COX7B2: variants seen among roughly 807,000 people sequenced by gnomAD.
COX7B2 encodes cytochrome c oxidase subunit 7B2.
For synonymous variants in COX7B2, 37 were observed against 32.1 expected, an observed-to-expected ratio of 1.15 and a Z score of -0.51; for missense variants, 109 against 95.9, an observed-to-expected ratio of 1.14 and a Z score of -0.57.
intron 2 of COX7B2, among the ~76,000 whole-genome samples, chr4:46,824,786 A>T (rs1363954197): frequency 1.3e-5 from 2 of 152,176 alleles, no homozygotes; most frequent in East Asian, 3.9e-4. Context: ...AAAACACATG[A>T]TTATCTCAAT....
At chr4:46,805,125 G>A (rs370562190) in intron 2 of COX7B2, among the ~76,000 whole-genome samples, 4 of 152,204 alleles carry the variant, frequency 2.6e-5, no homozygotes, top group Non-Finnish European at 5.9e-5. Flanking sequence ...CAGAACTCGC[G>A]CTGGCCTCCA....
At chr4:46,763,804 T>C (rs1716365025) in intron 2 of COX7B2, among the ~76,000 whole-genome samples, 2 of 152,202 alleles carry the variant, frequency 1.3e-5, no homozygotes, top group South Asian at 4.1e-4. Flanking sequence ...TATATAAATA[T>C]ACATGTGCAT....
intron 1 of COX7B2, among the ~76,000 whole-genome samples, chr4:46,907,848 CTTT>C (rs35024713): frequency 2.2e-3 from 131 of 59,704 alleles, no homozygotes; most frequent in African/African-American, 7.4e-3. Context: ...TTTGAGCAGA[CTTT>C]TTTTTTTTTT....
intron 2 of COX7B2, among the ~76,000 whole-genome samples, chr4:46,761,347 G>C (rs1318799800): frequency 6.6e-6 from 1 of 152,104 alleles, no homozygotes; most frequent in Non-Finnish European, 1.5e-5. Flanking sequence ...ATGCAGCCAA[G>C]GTATCCATTA....
chr4:46,803,155 G>A (rs1718752601), intron 2 of COX7B2, among the ~76,000 whole-genome samples: 1 of 152,114 alleles, frequency 6.6e-6, no homozygotes, highest in African/African-American at 2.4e-5. Context: ...GTTGTATAAA[G>A]GTTCTTTTCA....
At chr4:46,788,657 A>T (rs1717878926) in intron 2 of COX7B2, among the ~76,000 whole-genome samples, 1 of 152,222 alleles carries the variant, frequency 6.6e-6, no homozygotes, top group South Asian at 2.1e-4. Context: ...CACATATAGA[A>T]ATCAATTTAT....
chr4:46,880,418 T>A (rs1218832989), intron 1 of COX7B2, among the ~76,000 whole-genome samples: 1 of 147,838 alleles, frequency 6.8e-6, no homozygotes, highest in African/African-American at 2.5e-5. Flanking sequence ...TGGGCTTTTT[T>A]TTTTTTTTTT....
At chr4:46,867,393 G>T (rs557691774) in intron 1 of COX7B2, among the ~76,000 whole-genome samples, 1 of 152,252 alleles carries the variant, frequency 6.6e-6, no homozygotes, top group Non-Finnish European at 1.5e-5. Flanking sequence ...AAACTGGCTG[G>T]AACCAGCCAA....
chr4:46,853,764 T>C (rs553170876), intron 1 of COX7B2, among the ~76,000 whole-genome samples: 116 of 152,240 alleles, frequency 7.6e-4, no homozygotes, highest in Non-Finnish European at 1.2e-3. Context: ...ATAAAGTTAG[T>C]TATAGAAAGA....
intron 2 of COX7B2, among the ~76,000 whole-genome samples, chr4:46,765,301 T>C (rs1369682465): frequency 6.8e-6 from 1 of 147,290 alleles, no homozygotes; most frequent in Non-Finnish European, 1.5e-5. Flanking sequence ...CTGTACAGCA[T>C]GGAGAGAGAT....
chr4:46,772,836 A>G (rs1322278590), intron 2 of COX7B2, among the ~76,000 whole-genome samples: 2 of 152,222 alleles, frequency 1.3e-5, no homozygotes. Flanking sequence ...TTACTCCAGT[A>G]GTAAAGCTAC....
At chr4:46,828,314 G>A (rs555413692) in intron 2 of COX7B2, among the ~76,000 whole-genome samples, 35 of 152,184 alleles carry the variant, frequency 2.3e-4, no homozygotes, top group African/African-American at 7.9e-4. Context: ...GTTGACAAAA[G>A]CTTCACATAT....
At chr4:46,892,443 A>G (rs1433979476) in intron 1 of COX7B2, among the ~76,000 whole-genome samples, 2 of 152,186 alleles carry the variant, frequency 1.3e-5, no homozygotes, top group Non-Finnish European at 2.9e-5. Context: ...TGGCTTGGCC[A>G]TGATACAGAA....
At chr4:46,815,173 C>T (rs1180679783) in intron 2 of COX7B2, among the ~76,000 whole-genome samples, 1 of 140,892 alleles carries the variant, frequency 7.1e-6, no homozygotes, top group Non-Finnish European at 1.5e-5. Context: ...GAGACTCTGT[C>T]TCAAAAAAAA....
intron 2 of COX7B2, among the ~76,000 whole-genome samples, chr4:46,751,337 G>A (rs1439403409): frequency 1.5e-5 from 2 of 137,196 alleles, no homozygotes; most frequent in African/African-American, 5.2e-5. Flanking sequence ...GATTCTTGGT[G>A]GTAGAGTGTA....
At chr4:46,797,489 G>A (rs1718426222) in intron 2 of COX7B2, among the ~76,000 whole-genome samples, 1 of 152,196 alleles carries the variant, frequency 6.6e-6, no homozygotes, top group African/African-American at 2.4e-5. Flanking sequence ...CTCAGCAGCA[G>A]GCCGAATTCC....
intron 2 of COX7B2, among the ~76,000 whole-genome samples, chr4:46,820,854 G>T (rs564543507): frequency 9.4e-4 from 138 of 146,220 alleles, no homozygotes; most frequent in African/African-American, 2.7e-3. Context: ...TATATATATA[G>T]ATAGATAGAT....
chr4:46,792,044 G>A (rs1185132652), intron 2 of COX7B2, among the ~76,000 whole-genome samples: 1 of 152,188 alleles, frequency 6.6e-6, no homozygotes, highest in Admixed American at 6.5e-5. Context: ...ATGAAACATA[G>A]CTGATTAACT....
intron 2 of COX7B2, among the ~76,000 whole-genome samples, chr4:46,755,554 T>C (rs939393562): frequency 6.6e-6 from 1 of 152,132 alleles, no homozygotes; most frequent in Non-Finnish European, 1.5e-5. Context: ...CATGATAATA[T>C]ATCTAGAAAA....
Sources: allele counts gnomAD v4.1 joint callset (sites outside exome capture counted in the v4.1 genomes callset), GRCh38; gene constraint gnomAD v4.1.1; transcripts MANE v1.5; gene names NCBI Gene and HGNC (gene_info 2026-07-23, HGNC 2026-07-21).